TPGS2: variants seen among roughly 807,000 people sequenced by gnomAD.
TPGS2 encodes tubulin polyglutamylase complex subunit 2, also known as polyglutamylase subunit 2.
In TPGS2, 26 loss-of-function variants were observed where a neutral mutation model predicts 31.1. That is an observed-to-expected ratio of 0.84 (90% CI 0.61 to 1.16). The LOEUF (loss-of-function observed/expected upper bound fraction) is 1.16, where lower values mean the gene tolerates loss of function less well. TPGS2 is among the 50% of genes most tolerant of loss of function. TPGS2 has a pLI of 0.00. For missense variants in TPGS2, 351 were observed against 363.8 expected (o/e 0.96, Z 0.29); for synonymous variants, 130 against 136.6 (o/e 0.95, Z 0.34).
intron 3 of TPGS2, chr18:36,806,147 C>G (rs1461816728): frequency 6.6e-6 from 1 of 152,156 alleles, no homozygotes; most frequent in Non-Finnish European, 1.5e-5. Flanking sequence ...CATGGAATGT[C>G]TAAGAATAAA....
chr18:36,783,186 G>T (rs1351656470), intron 6 of TPGS2: 1 of 396,858 alleles, frequency 2.5e-6, no homozygotes, highest in South Asian at 1.3e-4. Context: ...AGTTTTTAGT[G>T]AAACTAAAGG....
intron 2 of TPGS2, among the ~76,000 whole-genome samples, chr18:36,817,437 T>C (rs1460653942): frequency 7.3e-5 from 11 of 151,604 alleles, no homozygotes; most frequent in Admixed American, 2.6e-4. Context: ...TTCTTTCTTT[T>C]TTTTTTTTTT....
At chr18:36,790,031 G>A (rs967510447), downstream of TPGS2, 1 of 152,124 alleles carries the variant, frequency 6.6e-6, no homozygotes, top group African/African-American at 2.4e-5. Flanking sequence ...CTGAGTCTTG[G>A]GAATTCTTGT....
At chr18:36,828,645 C>T (rs1483908051) in intron 1 of TPGS2, 38 bp downstream of exon 1, 12 of 1,611,278 alleles carry the variant, frequency 7.4e-6, no homozygotes, top group South Asian at 5.5e-5. Context: ...CCTTCCTTCT[C>T]CTCCACACCC....
At chr18:36,814,565 A>C (rs932067349) in intron 2 of TPGS2, among the ~76,000 whole-genome samples, 5 of 152,170 alleles carry the variant, frequency 3.3e-5, no homozygotes, top group African/African-American at 1.2e-4. Context: ...ACTGATTTCA[A>C]ATTACTTATT....
At chr18:36,813,849 C>T (rs569874894) in intron 2 of TPGS2, among the ~76,000 whole-genome samples, 1 of 152,278 alleles carries the variant, frequency 6.6e-6, no homozygotes, top group African/African-American at 2.4e-5. Context: ...TGGTGGAGAA[C>T]ACAGAGAATC....
intron 2 of TPGS2, among the ~76,000 whole-genome samples, chr18:36,810,868 G>A (rs1186696170): frequency 6.6e-6 from 1 of 152,090 alleles, no homozygotes; most frequent in Admixed American, 6.5e-5. Flanking sequence ...ATAGCACTGG[G>A]CCTCAAGGGA....
Position 36,828,796 on chromosome 18 carries a change from G to A in TPGS2, c.-29C>T. On this transcript the variant is annotated 5_prime_UTR_variant, in exon 1 of 7. Transcript: ENST00000334295. ...TCGCGACCGCGATTCGCGCGCGGCG[G>A]GAGCGGGTGGAGGGCCGGACCCCGC... is the stretch of plus-strand genomic sequence containing the variant. 8 of 1,609,964 alleles carry A rather than the reference G, an allele frequency of 5.0e-6. No individual in the cohort carries two copies. Among genetic ancestry groups the A allele is most frequent in the Non-Finnish European group, 6.8e-6 (8 of 1,178,380 alleles).
intron 1 of TPGS2, among the ~76,000 whole-genome samples, chr18:36,827,110 C>G (rs1462059356): frequency 6.6e-6 from 1 of 151,966 alleles, no homozygotes; most frequent in African/African-American, 2.4e-5. Context: ...TCTAATAACC[C>G]TCCCACCACA....
chr18:36,787,205 CCT>C, intron 6 of TPGS2: 3 of 1,063,116 alleles, frequency 2.8e-6, no homozygotes, highest in Non-Finnish European at 2.4e-6. Context: ...GCCTTGTGTT[CCT>C]CTGTGTCAGC....
rs137996100 is a variant in TPGS2, at chr18:36,823,946, A to AT, written c.85+4736dup. On this transcript the variant is annotated intron_variant, in intron 1 of 6. Coordinates refer to ENST00000334295, the MANE Select transcript of TPGS2 (RefSeq NM_015476.4). ...TTAAAAATAGCTTTACTGAGACATA[A>AT]TTCGCATACCATAATTTATAAAGTG... is the stretch of plus-strand genomic sequence containing the variant. 8.2e-3 allele frequency: 6,210 copies of AT among 757,584 alleles called. 336 individuals carry two copies. The African/African-American group carries it at 0.11, about 13-fold the overall frequency. 46.9% of individuals were successfully genotyped at this position (757,584 alleles called of 1,614,324 possible).
At chr18:36,824,156 A>C (rs1269933855) in intron 1 of TPGS2, among the ~76,000 whole-genome samples, 1 of 151,692 alleles carries the variant, frequency 6.6e-6, no homozygotes, top group Non-Finnish European at 1.5e-5. Flanking sequence ...GGCTTCTCTC[A>C]CTTTCATTTC....
chr18:36,825,292 C>T (rs543425308), intron 1 of TPGS2, among the ~76,000 whole-genome samples: 4 of 151,922 alleles, frequency 2.6e-5, no homozygotes, highest in East Asian at 3.9e-4. Flanking sequence ...ATTAGCCAGG[C>T]GTGGTGGTGG....
intron 1 of TPGS2, among the ~76,000 whole-genome samples, chr18:36,822,590 C>T (rs752825467): frequency 1.3e-5 from 2 of 152,166 alleles, no homozygotes; most frequent in Non-Finnish European, 2.9e-5. Flanking sequence ...TAATAGGTGA[C>T]ATAAACCTAT....
chr18:36,823,247 T>C (rs2045971156), intron 1 of TPGS2, among the ~76,000 whole-genome samples: 1 of 152,186 alleles, frequency 6.6e-6, no homozygotes. Flanking sequence ...GGGGTCATCT[T>C]GGAAACTCAT....
chr18:36,781,713 A>G (rs919331085), downstream of TPGS2: 1 of 936,416 alleles, frequency 1.1e-6, no homozygotes, highest in East Asian at 1.2e-4. Flanking sequence ...GGCAATGTGC[A>G]GTAGCATTGC....
downstream of TPGS2, chr18:36,789,701 C>T (rs949523897): frequency 3.3e-5 from 5 of 152,106 alleles, no homozygotes; most frequent in Admixed American, 1.3e-4. Context: ...CCATAATTCC[C>T]GTATGTTGTG....
intron 2 of TPGS2, among the ~76,000 whole-genome samples, chr18:36,818,057 G>T (rs942868102): frequency 6.6e-6 from 1 of 152,116 alleles, no homozygotes; most frequent in Non-Finnish European, 1.5e-5. Context: ...GGTCCTTGCT[G>T]AGCTCTCTCT....
chr18:36,806,906 T>C (rs1257407665), intron 3 of TPGS2, among the ~76,000 whole-genome samples: 1 of 110,900 alleles, frequency 9.0e-6, no homozygotes, highest in Non-Finnish European at 1.8e-5. Flanking sequence ...CAGTGCAAGA[T>C]AGACAGGAAG....
Sources: allele counts gnomAD v4.1 joint callset (sites outside exome capture counted in the v4.1 genomes callset), GRCh38; gene constraint gnomAD v4.1.1; transcripts MANE v1.5; gene names NCBI Gene and HGNC (gene_info 2026-07-23, HGNC 2026-07-21).